The following LRRC37A2 variants were observed in gnomAD, a reference collection of about 807,000 sequenced individuals.
LRRC37A2 encodes leucine rich repeat containing 37 member A2, also known as leucine-rich repeat-containing protein 37A2.
Under a neutral mutation model 68.8 loss-of-function variants are expected in LRRC37A2, and 9 were observed. That is an observed-to-expected ratio of 0.13 (90% CI 0.08 to 0.23). The LOEUF (loss-of-function observed/expected upper bound fraction) is 0.23. LRRC37A2 is among the 10% of genes least tolerant of loss of function. The probability of loss-of-function intolerance (pLI) is 1.00; values close to 1 mark genes in which losing one functional copy is unlikely to be tolerated. For synonymous variants in LRRC37A2, 63 were observed against 367.6 expected (o/e 0.17, Z 9.48); for missense variants, 168 against 950.4 (o/e 0.18, Z 10.82).
chr17:46,881,505 A>C, the LRRC37A2 span, among the ~76,000 whole-genome samples: 2 of 152,248 alleles, frequency 1.3e-5, no homozygotes, highest in Non-Finnish European at 2.9e-5. Flanking sequence ...GACTTACCAA[A>C]GGCTATATCG....
At chr17:46,923,837 C>G in the LRRC37A2 span, 44 of 399,310 alleles carry the variant, frequency 1.1e-4, 1 homozygote, top group South Asian at 5.1e-3. Flanking sequence ...TCGCATCGTC[C>G]TGCACTTTCG....
chr17:46,842,843 A>G, the LRRC37A2 span, among the ~76,000 whole-genome samples: 2 of 152,262 alleles, frequency 1.3e-5, no homozygotes, highest in Admixed American at 6.5e-5. Context: ...CTTCTGAATC[A>G]CACTGGAAGA....
At chr17:46,749,675 A>G in the LRRC37A2 span, 1 of 1,167,478 alleles carries the variant, frequency 8.6e-7, no homozygotes, top group South Asian at 1.9e-5. Context: ...CATCGGCAAG[A>G]TTAAATAAAA....
chr17:46,771,387 C>G, the LRRC37A2 span, among the ~76,000 whole-genome samples: 1 of 151,648 alleles, frequency 6.6e-6, no homozygotes, highest in Non-Finnish European at 1.5e-5. Flanking sequence ...GGGCCGAGGG[C>G]GGGTTCACAG....
At chr17:47,027,718 T>G in the LRRC37A2 span, 1 of 680,540 alleles carries the variant, frequency 1.5e-6, no homozygotes, top group East Asian at 2.9e-5. Context: ...TAATTAAAAT[T>G]TTACCAGTAG....
chr17:46,580,534 G>GAA, the LRRC37A2 span, among the ~76,000 whole-genome samples: 2 of 49,460 alleles, frequency 4.0e-5, no homozygotes, highest in Admixed American at 1.9e-4. Flanking sequence ...CCCCATCTCT[G>GAA]CAAAAAAAAA....
At chr17:46,776,416 T>G in the LRRC37A2 span, among the ~76,000 whole-genome samples, 2 of 152,254 alleles carry the variant, frequency 1.3e-5, no homozygotes, top group African/African-American at 4.8e-5. Flanking sequence ...GACACAGTTC[T>G]GAGTGCTTGT....
chr17:46,841,662 G>A, the LRRC37A2 span, among the ~76,000 whole-genome samples: 1 of 152,238 alleles, frequency 6.6e-6, no homozygotes, highest in Non-Finnish European at 1.5e-5. Context: ...GGGGCGGGTA[G>A]GGGCTGGCCG....
At chr17:46,783,161 G>C in the LRRC37A2 span, among the ~76,000 whole-genome samples, 1 of 152,214 alleles carries the variant, frequency 6.6e-6, no homozygotes, top group East Asian at 1.9e-4. Context: ...AGGACAGGAA[G>C]GGAAGGGTGA....
At chr17:46,438,660 C>T in the LRRC37A2 span, among the ~76,000 whole-genome samples, 1 of 9,170 alleles carries the variant, frequency 1.1e-4, no homozygotes, top group Non-Finnish European at 4.3e-4. Context: ...GATTTAAATG[C>T]ACTAAGGTAA....
At chr17:46,392,105 A>T in the LRRC37A2 span, among the ~76,000 whole-genome samples, 1 of 62,006 alleles carries the variant, frequency 1.6e-5, no homozygotes, top group Admixed American at 1.4e-4. Context: ...CAATTTAGAT[A>T]AGTATAGTGT....
the LRRC37A2 span, among the ~76,000 whole-genome samples, chr17:46,848,286 CAT>C: frequency 2.6e-5 from 4 of 152,178 alleles, no homozygotes; most frequent in African/African-American, 9.7e-5. Context: ...CGTCACCACA[CAT>C]GTGTTTGTAT....
the LRRC37A2 span, among the ~76,000 whole-genome samples, chr17:46,921,472 AT>A: frequency 6.6e-6 from 1 of 152,242 alleles, no homozygotes; most frequent in Non-Finnish European, 1.5e-5. Context: ...GAAAGCCAAA[AT>A]TGACAAATGG....
the LRRC37A2 span, among the ~76,000 whole-genome samples, chr17:46,406,006 C>T: frequency 3.9e-5 from 5 of 128,308 alleles, no homozygotes; most frequent in African/African-American, 8.7e-5. Flanking sequence ...AGATACAGTT[C>T]GTAGCCACCT....
the LRRC37A2 span, chr17:46,932,323 G>A: frequency 9.3e-7 from 1 of 1,078,818 alleles, no homozygotes; most frequent in Middle Eastern, 2.0e-4. Flanking sequence ...GAAACCAACT[G>A]GAAATGACAG....
the LRRC37A2 span, chr17:47,027,658 T>C: frequency 1.5e-4 from 152 of 1,007,472 alleles, no homozygotes; most frequent in African/African-American, 2.3e-3. Context: ...TGATTACATT[T>C]GGAATTTTTA....
the LRRC37A2 span, among the ~76,000 whole-genome samples, chr17:46,953,282 G>A: frequency 6.6e-6 from 1 of 151,728 alleles, no homozygotes; most frequent in African/African-American, 2.4e-5. Context: ...CCACCTATGA[G>A]TGAGAACATG....
chr17:46,503,167 A>C, the LRRC37A2 span, among the ~76,000 whole-genome samples: 1 of 134,942 alleles, frequency 7.4e-6, no homozygotes, highest in Non-Finnish European at 1.6e-5. Flanking sequence ...AGCCGAGATC[A>C]TGCCACTGCA....
chr17:46,978,886 C>A, the LRRC37A2 span: 4 of 1,541,072 alleles, frequency 2.6e-6, no homozygotes, highest in East Asian at 2.4e-5. Context: ...CGGTGCGCCC[C>A]CTGGACAGCA....
Sources: gnomAD v4.1 joint callset for allele counts (sites outside exome capture counted in the v4.1 genomes callset) on GRCh38, gnomAD v4.1.1 for gene constraint, MANE v1.5 for transcripts, NCBI Gene and HGNC (gene_info 2026-07-23, HGNC 2026-07-21) for gene names.